Variants in ARHGAP26 observed in about 807,000 individuals in gnomAD.
ARHGAP26 encodes Rho GTPase activating protein 26.
Under a neutral mutation model 104.8 loss-of-function variants are expected in ARHGAP26, and 38 were observed. The ratio of observed to expected loss-of-function variants is 0.36; its 90% CI spans 0.28 to 0.48. The LOEUF (loss-of-function observed/expected upper bound fraction) is 0.48. Ranked by LOEUF, ARHGAP26 falls within the 20% of genes least tolerant of loss-of-function variation. The pLI, the probability that ARHGAP26 is intolerant of heterozygous loss-of-function variation, is 0.99. For synonymous variants in ARHGAP26, 341 were observed against 340.0 expected, an observed-to-expected ratio of 1.00 and a Z score of -0.03; for missense variants, 704 against 947.9, an observed-to-expected ratio of 0.74 and a Z score of 3.38.
chr5:142,840,195 C>T (rs748267422), intron 1 of ARHGAP26, among the ~76,000 whole-genome samples: 2 of 152,132 alleles, frequency 1.3e-5, no homozygotes, highest in Non-Finnish European at 2.9e-5. Flanking sequence ...GGTCCTTTAT[C>T]CTCATAGTCA....
At chr5:143,215,288 CT>C (rs1392350546) in intron 22 of ARHGAP26, among the ~76,000 whole-genome samples, 1 of 152,244 alleles carries the variant, frequency 6.6e-6, no homozygotes, top group South Asian at 2.1e-4. Context: ...TCCCAATTCA[CT>C]GCTCATATGG....
intron 11 of ARHGAP26, among the ~76,000 whole-genome samples, chr5:142,998,825 C>G (rs866221287): frequency 6.6e-6 from 1 of 152,088 alleles, no homozygotes; most frequent in Non-Finnish European, 1.5e-5. Flanking sequence ...CTGTGCAACA[C>G]GAGACGGTGA....
chr5:142,922,445 T>C (rs111838033), intron 10 of ARHGAP26, among the ~76,000 whole-genome samples: 1 of 150,416 alleles, frequency 6.6e-6, no homozygotes, highest in Non-Finnish European at 1.5e-5. Context: ...TGTGTGTGTT[T>C]TCTGTAGAAA....
intron 11 of ARHGAP26, among the ~76,000 whole-genome samples, chr5:142,998,541 T>A (rs1266468283): frequency 1.3e-5 from 2 of 152,170 alleles, no homozygotes; most frequent in African/African-American, 2.4e-5. Context: ...CGGTGTGCTT[T>A]TGTTCTCTCT....
intron 12 of ARHGAP26, among the ~76,000 whole-genome samples, chr5:143,028,854 G>T (rs1186297554): frequency 6.6e-6 from 1 of 152,198 alleles, no homozygotes; most frequent in East Asian, 1.9e-4. Context: ...TACCAGCCAG[G>T]GGGCAGAGAA....
chr5:142,899,711 G>A (rs973568068), intron 6 of ARHGAP26, among the ~76,000 whole-genome samples: 6 of 152,064 alleles, frequency 3.9e-5, no homozygotes, highest in African/African-American at 1.5e-4. Context: ...TTCATATAGT[G>A]TTGGGGGTGG....
chr5:143,228,350 C>T lies in ARHGAP26; in HGVS notation c.*5904C>T, dbSNP rs914563266. On this transcript the variant is annotated 3_prime_UTR_variant, in exon 23 of 23. Transcript: ENST00000645722. ...CTGAGCCTTTACAGCCTTTAAGACT[C>T]GGAGGTTGAGAATTAGAGACACAAG... is the stretch of plus-strand genomic sequence containing the variant. 1.3e-5 allele frequency: 3 copies of T among 223,636 alleles called. No individual in the cohort carries two copies. The highest frequency in any genetic ancestry group is 2.2e-5 in the African/African-American group (1 of 44,760). The allele number at this position is 223,636 out of a possible 1,614,324, so 13.9% of individuals were successfully genotyped here.
intron 20 of ARHGAP26, among the ~76,000 whole-genome samples, chr5:143,182,224 A>T (rs1804490063): frequency 6.6e-6 from 1 of 152,156 alleles, no homozygotes; most frequent in Non-Finnish European, 1.5e-5. Flanking sequence ...CTCAGCTACT[A>T]TTCTGGAGGA....
At chr5:142,785,977 A>ATTT (rs71576155) in intron 1 of ARHGAP26, among the ~76,000 whole-genome samples, 1 of 138,452 alleles carries the variant, frequency 7.2e-6, no homozygotes, top group African/African-American at 2.6e-5. Context: ...GATCCCTGGT[A>ATTT]TTTTTTTTTT....
intron 1 of ARHGAP26, among the ~76,000 whole-genome samples, chr5:142,817,572 C>T (rs1765381236): frequency 6.6e-6 from 1 of 152,116 alleles, no homozygotes; most frequent in African/African-American, 2.4e-5. Flanking sequence ...GGGGTCGGGC[C>T]TCGATTTCAG....
chr5:143,003,369 A>G (rs1406645739), intron 11 of ARHGAP26, among the ~76,000 whole-genome samples: 1 of 152,192 alleles, frequency 6.6e-6, no homozygotes, highest in Non-Finnish European at 1.5e-5. Flanking sequence ...TTTGCTCATC[A>G]AGGTCATCAT....
At chr5:143,151,640 T>C (rs1032796960) in intron 20 of ARHGAP26, among the ~76,000 whole-genome samples, 4 of 152,202 alleles carry the variant, frequency 2.6e-5, no homozygotes, top group African/African-American at 9.6e-5. Context: ...GGAGGAACTT[T>C]TAATGCATAT....
intron 1 of ARHGAP26, among the ~76,000 whole-genome samples, chr5:142,788,399 A>C (rs1322009830): frequency 1.3e-5 from 2 of 152,146 alleles, no homozygotes; most frequent in African/African-American, 2.4e-5. Context: ...CTTGGGGACA[A>C]AGAGAAGATA....
At chr5:143,082,960 TATC>T (rs1790030495) in intron 17 of ARHGAP26, among the ~76,000 whole-genome samples, 1 of 152,258 alleles carries the variant, frequency 6.6e-6, no homozygotes, top group South Asian at 2.1e-4. Flanking sequence ...CATAGCTAAA[TATC>T]ATATTCTTTA....
chr5:142,945,215 A>C (rs1313892622), intron 11 of ARHGAP26, among the ~76,000 whole-genome samples: 5 of 152,222 alleles, frequency 3.3e-5, no homozygotes, highest in Non-Finnish European at 7.3e-5. Flanking sequence ...TTCTCAGCTT[A>C]GAAAAGCTCC....
At chr5:142,896,374 T>C (rs1359041853) in intron 6 of ARHGAP26, among the ~76,000 whole-genome samples, 1 of 152,224 alleles carries the variant, frequency 6.6e-6, no homozygotes, top group African/African-American at 2.4e-5. Context: ...AGTGTTTTGT[T>C]ATCCACTTTG....
At position 143,060,742 on chromosome 5, in the gene ARHGAP26, T is replaced by C. The variant is rs568381870; in HGVS notation, c.1538+2995T>C. Among the ~76,000 whole-genome samples, 3 of 152,172 alleles carry C rather than the reference T, an allele frequency of 2.0e-5. No homozygotes were observed. The East Asian group carries it at 5.8e-4, about 29-fold the overall frequency. On this transcript the variant is annotated intron_variant, in intron 17 of 22. Transcript: ENST00000645722. ...ACATTTCTGGGCTCTGTGGGTCTAC[T>C]CAGTCAGGCTCGCTGCCTGGGAATC...
chr5:142,866,749 G>A (rs914625551), intron 1 of ARHGAP26: 1 of 152,174 alleles, frequency 6.6e-6, no homozygotes, highest in African/African-American at 2.4e-5. Flanking sequence ...TGCTGTTTTA[G>A]GGAAATGGCC....
At chr5:143,149,310 G>A (rs572839599) in intron 20 of ARHGAP26, among the ~76,000 whole-genome samples, 6 of 152,182 alleles carry the variant, frequency 3.9e-5, no homozygotes, top group African/African-American at 9.6e-5. Context: ...TGAGTGAGTC[G>A]CTGATTGATA....
Sources: gnomAD v4.1 joint callset for allele counts (sites outside exome capture counted in the v4.1 genomes callset) on GRCh38, gnomAD v4.1.1 for gene constraint, MANE v1.5 for transcripts, NCBI Gene and HGNC (gene_info 2026-07-23, HGNC 2026-07-21) for gene names.